The following PIP5K1B variants were observed in gnomAD, a reference collection of about 807,000 sequenced individuals.
The protein encoded by PIP5K1B is phosphatidylinositol 4-phosphate 5-kinase type-1 beta.
PIP5K1B carries 42 observed loss-of-function variants against 67.0 expected under a neutral mutation model. That is an observed-to-expected ratio of 0.63 (90% confidence interval 0.49 to 0.81). The LOEUF is 0.81. Ranked by LOEUF, PIP5K1B falls within the 30% of genes least tolerant of loss-of-function variation. The probability of loss-of-function intolerance (pLI) is 0.00; values close to 1 mark genes in which losing one functional copy is unlikely to be tolerated. For synonymous variants in PIP5K1B, 214 were observed against 231.4 expected (o/e 0.92, Z 0.68); for missense variants, 459 against 646.3 (o/e 0.71, Z 3.14).
intron 2 of PIP5K1B, chr9:68,784,161 A>T (rs1451637648): frequency 1.8e-5 from 3 of 167,098 alleles, no homozygotes; most frequent in Non-Finnish European, 4.4e-5. Context: ...AATTTACGTT[A>T]TCATAGTATT....
At chr9:68,743,888 G>A (rs977510484) in intron 2 of PIP5K1B, among the ~76,000 whole-genome samples, 1 of 152,156 alleles carries the variant, frequency 6.6e-6, no homozygotes, top group Non-Finnish European at 1.5e-5. Context: ...TCTCAACTGG[G>A]TGCCAGATGA....
At chr9:68,849,141 A>G (rs1822349276) in intron 4 of PIP5K1B, among the ~76,000 whole-genome samples, 1 of 152,238 alleles carries the variant, frequency 6.6e-6, no homozygotes, top group Non-Finnish European at 1.5e-5. Flanking sequence ...TATTCAAGAA[A>G]TAAATGTATA....
intron 1 of PIP5K1B, among the ~76,000 whole-genome samples, chr9:68,733,627 CTTTTTTTTTTTTTTT>C (rs35759487): frequency 3.5e-5 from 2 of 56,464 alleles, no homozygotes; most frequent in Non-Finnish European, 6.1e-5. Context: ...TACTTAGACT[CTTTTTTTTTTTTTTT>C]TTTTTTTTTT....
intron 4 of PIP5K1B, among the ~76,000 whole-genome samples, chr9:68,859,936 A>G (rs1298351717): frequency 6.6e-6 from 1 of 152,164 alleles, no homozygotes; most frequent in Non-Finnish European, 1.5e-5. Context: ...TAAAAATTAT[A>G]TGTATTTATT....
intron 8 of PIP5K1B, among the ~76,000 whole-genome samples, chr9:68,914,967 CTT>C (rs1826027523): frequency 6.6e-6 from 1 of 152,182 alleles, no homozygotes; most frequent in Admixed American, 6.5e-5. Flanking sequence ...CCTGTTGTCT[CTT>C]GAGCTAGTGT....
chr9:68,990,369 T>C (rs1830307189), intron 14 of PIP5K1B, among the ~76,000 whole-genome samples: 1 of 151,740 alleles, frequency 6.6e-6, no homozygotes, highest in African/African-American at 2.4e-5. Context: ...CATGTAAGTT[T>C]GAGAACCACT....
chr9:68,815,335 A>G (rs1833387034), intron 2 of PIP5K1B, among the ~76,000 whole-genome samples: 1 of 152,050 alleles, frequency 6.6e-6, no homozygotes, highest in South Asian at 2.1e-4. Flanking sequence ...ATCAGAAGAA[A>G]GAAGGTATTA....
At chr9:68,897,924 C>G (rs1478591448) in intron 8 of PIP5K1B, among the ~76,000 whole-genome samples, 2 of 152,192 alleles carry the variant, frequency 1.3e-5, no homozygotes, top group African/African-American at 4.8e-5. Flanking sequence ...TCCCCATGGA[C>G]TGCTTCCCTG....
intron 1 of PIP5K1B, among the ~76,000 whole-genome samples, chr9:68,740,452 C>G (rs1828950620): frequency 6.6e-6 from 1 of 152,172 alleles, no homozygotes; most frequent in African/African-American, 2.4e-5. Flanking sequence ...GTGTAGTTCA[C>G]AACAGTAGAA....
At chr9:68,877,343 C>T (rs2132321334) in intron 6 of PIP5K1B, among the ~76,000 whole-genome samples, 1 of 152,350 alleles carries the variant, frequency 6.6e-6, no homozygotes, top group African/African-American at 2.4e-5. Flanking sequence ...TTCTGGCACA[C>T]AAGAGGTACA....
intron 12 of PIP5K1B, among the ~76,000 whole-genome samples, chr9:68,925,909 T>G (rs1826675950): frequency 6.7e-6 from 1 of 148,622 alleles, no homozygotes; most frequent in Non-Finnish European, 1.5e-5. Context: ...GCGATTCTTC[T>G]GCCTCAGCCT....
intron 4 of PIP5K1B, among the ~76,000 whole-genome samples, chr9:68,853,713 A>C (rs916717848): frequency 3.3e-5 from 5 of 152,180 alleles, no homozygotes; most frequent in Non-Finnish European, 7.4e-5. Context: ...AGTCCTGTCT[A>C]TGTGAAGACC....
chr9:68,857,441 A>G (rs1157762714), intron 4 of PIP5K1B, among the ~76,000 whole-genome samples: 1 of 152,134 alleles, frequency 6.6e-6, no homozygotes, highest in Admixed American at 6.6e-5. Flanking sequence ...TAGTTCTCTC[A>G]GTGGGAATCT....
At chr9:68,943,386 T>TA (rs202016815) in intron 14 of PIP5K1B, among the ~76,000 whole-genome samples, 1,929 of 152,202 alleles carry the variant, frequency 0.013, 19 homozygotes, top group South Asian at 0.031. Context: ...ATGAAGGTGC[T>TA]AAAAAAATCT....
chr9:68,851,867 G>A (rs537319563), intron 4 of PIP5K1B, among the ~76,000 whole-genome samples: 6 of 152,350 alleles, frequency 3.9e-5, no homozygotes, highest in Admixed American at 1.3e-4. Flanking sequence ...CTGCAGAGCC[G>A]GCCCTCCTTG....
chr9:68,799,082 C>G (rs1015771379), intron 2 of PIP5K1B, among the ~76,000 whole-genome samples: 6 of 152,164 alleles, frequency 3.9e-5, no homozygotes, highest in African/African-American at 1.4e-4. Context: ...TGTTTAGGAC[C>G]TATCTCTAAT....
intron 8 of PIP5K1B, among the ~76,000 whole-genome samples, chr9:68,898,753 A>T (rs935097139): frequency 1.3e-5 from 2 of 152,166 alleles, no homozygotes; most frequent in Admixed American, 6.5e-5. Flanking sequence ...ACCATGTCCC[A>T]GTCTGCCTAC....
intron 14 of PIP5K1B, among the ~76,000 whole-genome samples, chr9:68,968,165 T>G (rs1052484025): frequency 6.6e-6 from 1 of 152,212 alleles, no homozygotes; most frequent in African/African-American, 2.4e-5. Flanking sequence ...AGTGGAATCA[T>G]AATCCCCATA....
chr9:68,807,504 A>G (rs1832932825), intron 2 of PIP5K1B, among the ~76,000 whole-genome samples: 1 of 152,226 alleles, frequency 6.6e-6, no homozygotes. Flanking sequence ...CCACAGGCAC[A>G]GAGCCCCCAG....
Sources: allele counts gnomAD v4.1 joint callset (sites outside exome capture counted in the v4.1 genomes callset), GRCh38; gene constraint gnomAD v4.1.1; transcripts MANE v1.5; gene names NCBI Gene and HGNC (gene_info 2026-07-23, HGNC 2026-07-21).